GRIA2: variants seen among roughly 807,000 people sequenced by gnomAD.
The protein encoded by GRIA2 is glutamate ionotropic receptor AMPA type subunit 2.
GRIA2 carries 14 observed loss-of-function variants against 97.3 expected under a neutral mutation model. The observed-to-expected ratio is 0.14, with a 90% CI of 0.10 to 0.23. GRIA2 has a LOEUF of 0.23. Ranked by LOEUF, GRIA2 falls within the 10% of genes least tolerant of loss-of-function variation. The probability of loss-of-function intolerance (pLI) is 1.00; values close to 1 mark genes in which losing one functional copy is unlikely to be tolerated. For missense variants in GRIA2, 558 were observed against 1,069.8 expected, an observed-to-expected ratio of 0.52 and a Z score of 6.67; for synonymous variants, 412 against 387.8, an observed-to-expected ratio of 1.06 and a Z score of -0.73.
chr4:157,269,801 T>A (rs1731935820), intron 2 of GRIA2, among the ~76,000 whole-genome samples: 1 of 152,136 alleles, frequency 6.6e-6, no homozygotes, highest in Non-Finnish European at 1.5e-5. Context: ...AAATTTTACT[T>A]ATTTTAAAAT....
chr4:157,239,188 G>C (rs1051082897), intron 2 of GRIA2, among the ~76,000 whole-genome samples: 2 of 152,048 alleles, frequency 1.3e-5, no homozygotes, highest in African/African-American at 4.8e-5. Context: ...CAAGGGGTTG[G>C]AGACTAATCC....
intron 5 of GRIA2, among the ~76,000 whole-genome samples, chr4:157,318,397 C>T (rs1734418075): frequency 6.6e-6 from 1 of 152,104 alleles, no homozygotes; most frequent in African/African-American, 2.4e-5. Context: ...TTCCTACTTA[C>T]TATGTAAGCA....
chr4:157,250,850 GA>G (rs1199693906), intron 2 of GRIA2, among the ~76,000 whole-genome samples: 5 of 152,030 alleles, frequency 3.3e-5, no homozygotes, highest in Non-Finnish European at 7.4e-5. Flanking sequence ...CATACTTCAT[GA>G]TCCCAGGGGA....
intron 5 of GRIA2, among the ~76,000 whole-genome samples, 191 bp from the exon 6 acceptor site, chr4:157,321,247 A>G (rs904788919): frequency 6.6e-6 from 1 of 152,198 alleles, no homozygotes; most frequent in Non-Finnish European, 1.5e-5. Context: ...AACCACTATG[A>G]TGCTAATGTG....
rs1553951546 is a variant in GRIA2 at position 157,277,836 on chromosome 4, A to ATATATATGTATATATG, written c.230-25709_230-25708insGTATATATGTATATAT. Among the ~76,000 whole-genome samples, 482 of 121,240 alleles carry ATATATATGTATATATG rather than the reference A, an allele frequency of 4.0e-3. 2 individuals are homozygous for ATATATATGTATATATG. Among genetic ancestry groups the ATATATATGTATATATG allele is most frequent in the African/African-American group, 9.0e-3 (271 of 30,056 alleles). The allele number at this position is 121,240 out of a possible 152,430, so 79.5% of individuals were successfully genotyped here. On this transcript the variant is annotated intron_variant, in intron 2 of 15. Coordinates refer to ENST00000264426, the MANE Select transcript of GRIA2 (RefSeq NM_001083619.3). ...ATGCTATATATATATGTATATATGT[A>ATATATATGTATATATG]TATATATATGTATATATGTATATAT...
At chr4:157,292,749 T>C (rs1733161489) in intron 2 of GRIA2, among the ~76,000 whole-genome samples, 1 of 152,128 alleles carries the variant, frequency 6.6e-6, no homozygotes, top group Non-Finnish European at 1.5e-5. Flanking sequence ...CCAATTTTCC[T>C]GTTTATCAGT....
intron 2 of GRIA2, among the ~76,000 whole-genome samples, chr4:157,228,125 T>A (rs1729831389): frequency 6.6e-6 from 1 of 152,228 alleles, no homozygotes; most frequent in Admixed American, 6.5e-5. Context: ...CCCTTGCTGC[T>A]GTTAACTGTG....
intron 11 of GRIA2, 50 bp from the exon 12 acceptor site, chr4:157,341,214 T>C (rs1212348088): frequency 1.6e-6 from 2 of 1,241,568 alleles, no homozygotes; most frequent in East Asian, 2.3e-5. Flanking sequence ...CTTGTTTTTT[T>C]ATTAGGTCAT....
At chr4:157,353,725 T>TG (rs1736124927) in intron 12 of GRIA2, among the ~76,000 whole-genome samples, 3 of 151,976 alleles carry the variant, frequency 2.0e-5, no homozygotes, top group Admixed American at 2.0e-4. Flanking sequence ...AAAAACCTTA[T>TG]AGTTATAATT....
intron 14 of GRIA2, chr4:157,362,513 A>G (rs914013999): frequency 7.4e-6 from 4 of 539,364 alleles, no homozygotes; most frequent in Admixed American, 2.2e-5. Context: ...TTATCAATTT[A>G]TCACTGCAAC....
At chr4:157,248,568 T>TGTATATATACACGTGTATATATATACAC (rs553775888) in intron 2 of GRIA2, among the ~76,000 whole-genome samples, 1 of 10,604 alleles carries the variant, frequency 9.4e-5, no homozygotes, top group Non-Finnish European at 1.5e-4. Context: ...TATATATACG[T>TGTATATATACACGTGTATATATATACAC]GTGTATATAT....
intron 12 of GRIA2, among the ~76,000 whole-genome samples, chr4:157,347,740 T>G (rs189218961): frequency 1.3e-5 from 2 of 152,316 alleles, no homozygotes; most frequent in Middle Eastern, 3.4e-3. Context: ...GAGAAGAGAA[T>G]AGAATTGTTC....
intron 2 of GRIA2, among the ~76,000 whole-genome samples, chr4:157,242,649 C>T (rs2126720225): frequency 6.6e-6 from 1 of 152,166 alleles, no homozygotes; most frequent in East Asian, 1.9e-4. Context: ...AAAAATTATT[C>T]TCTAACACTG....
intron 2 of GRIA2, among the ~76,000 whole-genome samples, chr4:157,274,541 C>T (rs542194367): frequency 1.5e-4 from 21 of 144,670 alleles, no homozygotes; most frequent in African/African-American, 2.0e-4. Flanking sequence ...CAACAGGCCC[C>T]GGTGTGTGAT....
rs1181857816 is a variant in GRIA2 at position 157,365,394 on chromosome 4, A to T, written c.*1963A>T. 2 of 152,016 alleles carry T rather than the reference A, an allele frequency of 1.3e-5. No individual in the cohort carries two copies. Among genetic ancestry groups the T allele is most frequent in the African/African-American group, 4.8e-5 (2 of 41,398 alleles). The allele number at this position is 152,016 out of a possible 1,614,324, so 9.4% of individuals were successfully genotyped here. A position where few individuals can be genotyped will look rare whatever the true frequency, so the allele number is the denominator to read the frequency against. On this transcript the variant is annotated 3_prime_UTR_variant, in exon 16 of 16. Coordinates refer to ENST00000264426, the MANE Select transcript of GRIA2 (RefSeq NM_001083619.3). ...CATATTGTACTTAAAATGAGTTTTT[A>T]AAAGTGAAAAAGAAATGACTATATA...
intron 2 of GRIA2, among the ~76,000 whole-genome samples, chr4:157,276,662 G>A (rs1030236698): frequency 6.6e-6 from 1 of 151,672 alleles, no homozygotes; most frequent in Non-Finnish European, 1.5e-5. Context: ...GAGAAAAAAA[G>A]ATAGATGATA....
At chr4:157,258,055 G>A (rs187985818) in intron 2 of GRIA2, among the ~76,000 whole-genome samples, 30 of 151,918 alleles carry the variant, frequency 2.0e-4, no homozygotes, top group African/African-American at 6.8e-4. Context: ...TCTTAATCCC[G>A]TCATCTTCCT....
At chr4:157,336,101 G>A (rs1284526230) in intron 10 of GRIA2, among the ~76,000 whole-genome samples, 1 of 151,958 alleles carries the variant, frequency 6.6e-6, no homozygotes, top group East Asian at 1.9e-4. Flanking sequence ...GAAGCATATG[G>A]GCCATATGTA....
At chr4:157,349,021 T>C (rs1047628104) in intron 12 of GRIA2, among the ~76,000 whole-genome samples, 1 of 152,234 alleles carries the variant, frequency 6.6e-6, no homozygotes, top group Non-Finnish European at 1.5e-5. Flanking sequence ...GCAAAAAGAA[T>C]GCAGACTTAA....
Sources: allele counts gnomAD v4.1 joint callset (sites outside exome capture counted in the v4.1 genomes callset), GRCh38; gene constraint gnomAD v4.1.1; transcripts MANE v1.5; gene names NCBI Gene and HGNC (gene_info 2026-07-23, HGNC 2026-07-21).